Variants in NFIA observed in about 807,000 individuals in gnomAD.
NFIA encodes the protein nuclear factor I A.
Under a neutral mutation model 62.8 loss-of-function variants are expected in NFIA, and 8 were observed. The ratio of observed to expected loss-of-function variants is 0.13; its 90% CI spans 0.07 to 0.23. The LOEUF is 0.23. Among genes scored for constraint, NFIA ranks in the 10% least tolerant of loss-of-function variants. The pLI, the probability that NFIA is intolerant of heterozygous loss-of-function variation, is 1.00. For missense variants in NFIA, 410 were observed against 642.1 expected (o/e 0.64, Z 3.91); for synonymous variants, 235 against 238.1 (o/e 0.99, Z 0.12).
intron 2 of NFIA, among the ~76,000 whole-genome samples, chr1:61,172,301 T>C (rs1203796704): frequency 2.9e-5 from 1 of 34,262 alleles, no homozygotes; most frequent in Non-Finnish European, 1.2e-4. Context: ...AAGTGGGTTT[T>C]AGATGAGTCA....
intron 3 of NFIA, among the ~76,000 whole-genome samples, chr1:61,292,906 T>C (rs537349241): frequency 3.0e-4 from 46 of 152,202 alleles, no homozygotes; most frequent in Non-Finnish European, 5.9e-4. Context: ...TAGTTTACTT[T>C]ATAGATCTTC....
chr1:61,152,704 A>G (rs1046828364), intron 2 of NFIA, among the ~76,000 whole-genome samples: 4 of 152,198 alleles, frequency 2.6e-5, no homozygotes, highest in South Asian at 2.1e-4. Context: ...CAGAAACATT[A>G]TCACATAGGA....
intron 2 of NFIA, chr1:61,248,995 C>A (rs1655835528): frequency 6.6e-6 from 1 of 152,180 alleles, no homozygotes; most frequent in African/African-American, 2.4e-5. Context: ...TGCAACCAAT[C>A]TGTGTATATC....
At chr1:61,362,115 A>G (rs1275682674) in intron 6 of NFIA, among the ~76,000 whole-genome samples, 1 of 152,132 alleles carries the variant, frequency 6.6e-6, no homozygotes, top group Non-Finnish European at 1.5e-5. Context: ...TGGATAATTT[A>G]TGCTGCCAGA....
chr1:61,294,318 G>T (rs1659066865), intron 3 of NFIA, among the ~76,000 whole-genome samples: 1 of 152,218 alleles, frequency 6.6e-6, no homozygotes, highest in South Asian at 2.1e-4. Flanking sequence ...CAAGAGTGAT[G>T]AAGCACAGAA....
intron 2 of NFIA, among the ~76,000 whole-genome samples, chr1:61,242,195 G>T (rs189083807): frequency 6.6e-6 from 1 of 152,092 alleles, no homozygotes; most frequent in Non-Finnish European, 1.5e-5. Flanking sequence ...TGTAAATACC[G>T]GATGCAGGGT....
intron 2 of NFIA, among the ~76,000 whole-genome samples, chr1:61,112,163 G>T (rs1436065094): frequency 6.6e-6 from 1 of 150,716 alleles, no homozygotes; most frequent in Admixed American, 6.6e-5. Context: ...CTAAAAATTG[G>T]CAGCTTAAGT....
chr1:61,132,383 C>T (rs534455230), intron 2 of NFIA, among the ~76,000 whole-genome samples: 4 of 152,220 alleles, frequency 2.6e-5, no homozygotes, highest in South Asian at 2.1e-4. Context: ...ATTCTTTTCA[C>T]GATATTAATG....
At chr1:61,092,881 T>G (rs1464611538) in intron 2 of NFIA, among the ~76,000 whole-genome samples, 1 of 151,900 alleles carries the variant, frequency 6.6e-6, no homozygotes, top group Non-Finnish European at 1.5e-5. Flanking sequence ...GGGGCGTGTG[T>G]GTGCTTCGTG....
At chr1:61,430,093 A>AC (rs1348539932) in intron 10 of NFIA, among the ~76,000 whole-genome samples, 1 of 152,246 alleles carries the variant, frequency 6.6e-6, no homozygotes, top group Non-Finnish European at 1.5e-5. Context: ...TGTGTATTTC[A>AC]CCACAATTTT....
intron 3 of NFIA, among the ~76,000 whole-genome samples, chr1:61,287,813 T>C (rs1446945193): frequency 3.3e-5 from 5 of 152,232 alleles, no homozygotes; most frequent in African/African-American, 1.2e-4. Context: ...GTTGTAATTC[T>C]CCACATATTC....
intron 2 of NFIA, among the ~76,000 whole-genome samples, chr1:61,250,701 T>C (rs1655971836): frequency 6.6e-6 from 1 of 152,114 alleles, no homozygotes; most frequent in Non-Finnish European, 1.5e-5. Context: ...TACTTGAAAA[T>C]TTTGCTTTCA....
chr1:61,304,994 T>C (rs1659688757), intron 3 of NFIA, among the ~76,000 whole-genome samples: 3 of 152,228 alleles, frequency 2.0e-5, no homozygotes. Context: ...CAATGAAATG[T>C]AAGTAGATTT....
At chr1:61,268,347 G>A (rs916545747) in intron 2 of NFIA, among the ~76,000 whole-genome samples, 1 of 152,050 alleles carries the variant, frequency 6.6e-6, no homozygotes, top group Non-Finnish European at 1.5e-5. Context: ...TCAGAGTTTA[G>A]TCATTTATTC....
At chr1:61,287,229 C>A (rs1157546537) in intron 3 of NFIA, among the ~76,000 whole-genome samples, 3 of 152,124 alleles carry the variant, frequency 2.0e-5, no homozygotes, top group African/African-American at 7.2e-5. Context: ...GAGTTGTACA[C>A]AAAGACCTCA....
intron 10 of NFIA, among the ~76,000 whole-genome samples, chr1:61,429,783 T>G (rs1028321826): frequency 5.3e-5 from 8 of 152,202 alleles, no homozygotes; most frequent in Non-Finnish European, 1.2e-4. Context: ...GGATGAATCT[T>G]GAAGACATTC....
intron 9 of NFIA, among the ~76,000 whole-genome samples, chr1:61,414,712 GAGA>G (rs1666274750): frequency 6.6e-6 from 1 of 152,222 alleles, no homozygotes; most frequent in Admixed American, 6.5e-5. Context: ...TCCTCTGTCA[GAGA>G]AGAAGCAGTA....
intron 2 of NFIA, among the ~76,000 whole-genome samples, chr1:61,134,164 G>C (rs374916701): frequency 1.3e-5 from 2 of 151,778 alleles, no homozygotes; most frequent in Admixed American, 6.6e-5. Context: ...CCTTTTGTGG[G>C]TTTTTTTGAT....
intron 10 of NFIA, among the ~76,000 whole-genome samples, chr1:61,441,380 C>T (rs1557441781): frequency 6.6e-6 from 1 of 150,380 alleles, no homozygotes; most frequent in East Asian, 2.0e-4. Context: ...GTCTATGCTC[C>T]TGGACAGCTT....
Sources: allele counts gnomAD v4.1 joint callset (sites outside exome capture counted in the v4.1 genomes callset), GRCh38; gene constraint gnomAD v4.1.1; transcripts MANE v1.5; gene names NCBI Gene and HGNC (gene_info 2026-07-23, HGNC 2026-07-21).